The following ATP2B4 variants were observed in gnomAD, a reference collection of about 807,000 sequenced individuals.
ATP2B4 encodes the protein ATPase plasma membrane Ca2+ transporting 4, also known as plasma membrane calcium-transporting ATPase 4.
In ATP2B4, 39 loss-of-function variants were observed where a neutral mutation model predicts 110.3. That is an observed-to-expected ratio of 0.35 (90% confidence interval 0.27 to 0.46). The LOEUF (loss-of-function observed/expected upper bound fraction) is 0.46. Among genes scored for constraint, ATP2B4 ranks in the 20% least tolerant of loss-of-function variants. ATP2B4 has a pLI of 1.00. For synonymous variants in ATP2B4, 538 were observed against 571.7 expected (o/e 0.94, Z 0.84); for missense variants, 1,135 against 1,530.9 (o/e 0.74, Z 4.32).
At position 203,711,757 on chromosome 1, in the gene ATP2B4, C is replaced by A. The variant is rs61825651; in HGVS notation, c.2032-203C>A. Among the ~76,000 whole-genome samples, 373 of 152,284 alleles carry A rather than the reference C, an allele frequency of 2.4e-3. 2 individuals are homozygous for A. Among genetic ancestry groups the A allele is most frequent in the Non-Finnish European group, 3.5e-3 (236 of 68,018 alleles). ...CCCTTCAACTCATGGTACAATAGGG[C>A]AAATTCAAATGTGACTGCCGTGGGT... On this transcript the variant is annotated intron_variant, in intron 12 of 20. Transcript: ENST00000357681.
chr1:203,683,666 C>CTTTTTTTTTTTTTTTTTTTTTTGTTT (rs1665087289), intron 2 of ATP2B4, among the ~76,000 whole-genome samples: 1 of 77,698 alleles, frequency 1.3e-5, no homozygotes, highest in Non-Finnish European at 2.4e-5. Flanking sequence ...TCTTTTGTTT[C>CTTTTTTTTTTTTTTTTTTTTTTGTTT]TTTTTTTTTT....
chr1:203,680,337 G>A (rs1452119531), intron 1 of ATP2B4, among the ~76,000 whole-genome samples: 3 of 152,050 alleles, frequency 2.0e-5, no homozygotes, highest in Non-Finnish European at 4.4e-5. Context: ...GCGGCTGGGC[G>A]CGGTGGCTCA....
intron 19 of ATP2B4, among the ~76,000 whole-genome samples, chr1:203,724,836 A>T (rs1165639251): frequency 6.8e-6 from 1 of 146,654 alleles, no homozygotes; most frequent in African/African-American, 2.5e-5. Context: ...GGACTCTGGG[A>T]ATGACTGCCT....
chr1:203,739,870 C>T lies in ATP2B4; in HGVS notation c.*16C>T. 6.3e-7 allele frequency: 1 copy of T among 1,597,356 alleles called. No individual in the cohort carries two copies. The highest frequency in any genetic ancestry group is 1.1e-5 in the South Asian group (1 of 89,318). Reference sequence around the variant, plus strand: ...ATCAGTTTGAATTTTCTTTCTCTGACTCTCATCCCTATTTTACCTATTTCC... The same window carrying T: ...ATCAGTTTGAATTTTCTTTCTCTGATTCTCATCCCTATTTTACCTATTTCC... On this transcript the variant is annotated 3_prime_UTR_variant, in exon 21 of 21. Coordinates refer to ENST00000357681, the MANE Select transcript of ATP2B4 (RefSeq NM_001684.5).
At chr1:203,637,271 A>C (rs978403799) in intron 1 of ATP2B4, among the ~76,000 whole-genome samples, 1 of 152,112 alleles carries the variant, frequency 6.6e-6, no homozygotes, top group Non-Finnish European at 1.5e-5. Flanking sequence ...CTCTACTAAA[A>C]ATAGAAAAAA....
At chr1:203,647,512 C>A (rs1663838795) in intron 1 of ATP2B4, among the ~76,000 whole-genome samples, 1 of 152,092 alleles carries the variant, frequency 6.6e-6, no homozygotes, top group Non-Finnish European at 1.5e-5. Context: ...ATAATCCCAA[C>A]ACTTTGGGAG....
chr1:203,649,592 GA>G, intron 1 of ATP2B4, among the ~76,000 whole-genome samples: 1 of 152,086 alleles, frequency 6.6e-6, no homozygotes, highest in Non-Finnish European at 1.5e-5. Flanking sequence ...GTAACATGGG[GA>G]AACCCCATCT....
chr1:203,639,548 G>A (rs1663563490), intron 1 of ATP2B4, among the ~76,000 whole-genome samples: 1 of 152,172 alleles, frequency 6.6e-6, no homozygotes, highest in African/African-American at 2.4e-5. Flanking sequence ...ATCTAGACCC[G>A]ACGCACAACT....
At chr1:203,673,903 C>T (rs1447142716) in intron 1 of ATP2B4, among the ~76,000 whole-genome samples, 1 of 152,172 alleles carries the variant, frequency 6.6e-6, no homozygotes, top group South Asian at 2.1e-4. Flanking sequence ...GACCCCTCTC[C>T]ATAAGCATGA....
chr1:203,638,964 A>G (rs1558010424), intron 1 of ATP2B4, among the ~76,000 whole-genome samples: 1 of 152,188 alleles, frequency 6.6e-6, no homozygotes, highest in Non-Finnish European at 1.5e-5. Context: ...TCCTCCTCGC[A>G]CACTGGGCCT....
chr1:203,642,311 T>G (rs866860532), intron 1 of ATP2B4, among the ~76,000 whole-genome samples: 1 of 152,176 alleles, frequency 6.6e-6, no homozygotes, highest in South Asian at 2.1e-4. Flanking sequence ...CTCAAACTTC[T>G]GGGCTCAAGC....
intron 10 of ATP2B4, 78 bp from the exon 11 acceptor site, chr1:203,709,223 A>T: frequency 3.2e-6 from 5 of 1,569,154 alleles, no homozygotes; most frequent in Non-Finnish European, 4.4e-6. Flanking sequence ...AGGCTTTGTA[A>T]ATGAGTTCTT....
intron 17 of ATP2B4, 138 bp downstream of exon 17, chr1:203,721,548 C>T (rs1038972647): frequency 4.0e-5 from 32 of 803,416 alleles, no homozygotes; most frequent in Middle Eastern, 3.7e-4. Flanking sequence ...GCTCCCGCTA[C>T]ACGGTGCATT....
At chr1:203,636,092 G>T (rs1558009048) in intron 1 of ATP2B4, among the ~76,000 whole-genome samples, 1 of 152,216 alleles carries the variant, frequency 6.6e-6, no homozygotes. Flanking sequence ...CCTAACTTTT[G>T]AGGAGACAGG....
chr1:203,654,345 T>C (rs1163696175), intron 1 of ATP2B4, among the ~76,000 whole-genome samples: 1 of 152,170 alleles, frequency 6.6e-6, no homozygotes, highest in African/African-American at 2.4e-5. Context: ...CTACTGCTCA[T>C]TGACAATGTA....
Position 203,694,610 on chromosome 1 carries a change from G to A in ATP2B4, c.194-3547G>A, listed in dbSNP as rs183309158. On this transcript the variant is annotated intron_variant, in intron 2 of 20. Transcript: ENST00000357681. ...GAGAAACTAGTAGGAGATAAGGACTGGGGGGCTGGGGGAGTCATAAGGGTC... is the reference window on the plus strand; with the variant it reads ...GAGAAACTAGTAGGAGATAAGGACTAGGGGGCTGGGGGAGTCATAAGGGTC... Among the ~76,000 whole-genome samples the A allele has an allele frequency of 1.9e-3, 292 of 152,274 alleles. 3 individuals carry two copies. The highest frequency in any genetic ancestry group is 4.6e-3 in the Admixed American group (71 of 15,304).
At chr1:203,690,501 G>T (rs565371621) in intron 2 of ATP2B4, among the ~76,000 whole-genome samples, 17 of 152,284 alleles carry the variant, frequency 1.1e-4, no homozygotes, top group Admixed American at 7.8e-4. Flanking sequence ...GGCGTTAGGG[G>T]GATGTGGAGG....
chr1:203,728,749 C>T (rs528214867), intron 20 of ATP2B4, among the ~76,000 whole-genome samples: 40 of 151,908 alleles, frequency 2.6e-4, no homozygotes, highest in Admixed American at 2.6e-3. Context: ...CCCAGCTACT[C>T]GGGAGGCTGA....
chr1:203,658,186 T>G (rs1664223160), intron 1 of ATP2B4, among the ~76,000 whole-genome samples: 1 of 152,036 alleles, frequency 6.6e-6, no homozygotes, highest in Admixed American at 6.6e-5. Context: ...ACCTGCAATG[T>G]CTCCAAGGTA....
Sources: gnomAD v4.1 joint callset for allele counts (sites outside exome capture counted in the v4.1 genomes callset) on GRCh38, gnomAD v4.1.1 for gene constraint, MANE v1.5 for transcripts, NCBI Gene and HGNC (gene_info 2026-07-23, HGNC 2026-07-21) for gene names.